Variants in PCDH15 observed in about 807,000 individuals in gnomAD.
The protein encoded by PCDH15 is protocadherin-15.
PCDH15 carries 129 observed loss-of-function variants against 178.5 expected under a neutral mutation model. The observed-to-expected ratio is 0.72, with a 90% CI of 0.63 to 0.84. The LOEUF is 0.84. Among genes scored for constraint, PCDH15 ranks in the 40% least tolerant of loss-of-function variants. PCDH15 has a pLI of 0.00. For synonymous variants in PCDH15, 800 were observed against 732.0 expected, an observed-to-expected ratio of 1.09 and a Z score of -1.50; for missense variants, 2,230 against 2,099.9, an observed-to-expected ratio of 1.06 and a Z score of -1.21.
intron 2 of PCDH15, chr10:54,575,352 A>C (rs960284033): frequency 1.3e-5 from 2 of 153,244 alleles, no homozygotes; most frequent in Non-Finnish European, 2.9e-5. Flanking sequence ...CAGTTCTTTG[A>C]TTTAATAAAC....
intron 32 of PCDH15, chr10:53,821,076 A>G: frequency 3.1e-6 from 3 of 966,580 alleles, no homozygotes; most frequent in Non-Finnish European, 2.5e-6. Context: ...CATCTGTTGG[A>G]ACAATGAAAT....
At chr10:54,594,103 G>A (rs1287686317) in intron 2 of PCDH15, among the ~76,000 whole-genome samples, 1 of 152,084 alleles carries the variant, frequency 6.6e-6, no homozygotes, top group Non-Finnish European at 1.5e-5. Flanking sequence ...GAAGGGGTGA[G>A]TTGAACAGAA....
chr10:54,962,087 G>T (rs143726303), intron 2 of PCDH15, among the ~76,000 whole-genome samples: 1 of 152,362 alleles, frequency 6.6e-6, no homozygotes, highest in Non-Finnish European at 1.5e-5. Flanking sequence ...CTTCCTGGAT[G>T]TGGGACAAGA....
At chr10:54,357,005 T>A (rs1945115945) in intron 5 of PCDH15, among the ~76,000 whole-genome samples, 1 of 152,060 alleles carries the variant, frequency 6.6e-6, no homozygotes, top group Non-Finnish European at 1.5e-5. Flanking sequence ...TTGATGGGAC[T>A]TATCTCAAAA....
At chr10:53,808,718 A>AGTT (rs748232316) in intron 37 of PCDH15, 11 of 1,613,010 alleles carry the variant, frequency 6.8e-6, no homozygotes, top group Admixed American at 1.7e-5. Flanking sequence ...TAACCTTCAG[A>AGTT]GTTTGCTCCT....
intron 1 of PCDH15, among the ~76,000 whole-genome samples, chr10:54,695,265 GT>G (rs2135858420): frequency 6.6e-6 from 1 of 152,234 alleles, no homozygotes; most frequent in East Asian, 1.9e-4. Flanking sequence ...AGTGTTACTG[GT>G]TTGGATAGAA....
At chr10:55,507,912 T>C (rs772532229) in intron 2 of PCDH15, among the ~76,000 whole-genome samples, 11 of 151,608 alleles carry the variant, frequency 7.3e-5, no homozygotes, top group Non-Finnish European at 1.3e-4. Context: ...AAACATGTAA[T>C]CATTGTGCCA....
At chr10:55,303,202 A>G (rs1843332461) in intron 1 of PCDH15, among the ~76,000 whole-genome samples, 1 of 152,114 alleles carries the variant, frequency 6.6e-6, no homozygotes, top group Admixed American at 6.6e-5. Flanking sequence ...CATAGCTAGT[A>G]TTTATGACTA....
At chr10:55,029,371 G>A (rs145165299) in intron 2 of PCDH15, among the ~76,000 whole-genome samples, 2,452 of 151,966 alleles carry the variant, frequency 0.016, 78 homozygotes, top group African/African-American at 0.053. Flanking sequence ...CTATCCACTA[G>A]TAATTTTGCT....
rs767134941 is a variant in PCDH15 at position 54,183,477 on chromosome 10, A to G, written c.1557T>C (p.Tyr519=). ...FPEISYDVYV[Y]TDMRPGDSVI... ...CACTGTCCCCAGGTCTCATGTCTGT[A>G]TAAACATACACATCATAGGATATTT... Residue 519 remains tyrosine, a synonymous_variant, in exon 13 of 38, where the codon TAT becomes TAC. Transcript: ENST00000644397. 2 of 1,613,626 alleles carry G rather than the reference A, an allele frequency of 1.2e-6. No individual in the cohort carries two copies. The highest frequency in any genetic ancestry group is 3.3e-5 in the Admixed American group (2 of 60,024).
chr10:54,449,551 A>G (rs2076339928), intron 3 of PCDH15, among the ~76,000 whole-genome samples: 1 of 151,812 alleles, frequency 6.6e-6, no homozygotes, highest in African/African-American at 2.4e-5. Flanking sequence ...ACCTGACTTT[A>G]TTCACTAATC....
chr10:55,225,494 C>T (rs1841005458), intron 1 of PCDH15, among the ~76,000 whole-genome samples: 1 of 152,002 alleles, frequency 6.6e-6, no homozygotes, highest in Non-Finnish European at 1.5e-5. Flanking sequence ...AAACAAAAAC[C>T]ATGACATTTT....
chr10:54,501,433 C>T (rs527309113), intron 3 of PCDH15, among the ~76,000 whole-genome samples: 2 of 152,168 alleles, frequency 1.3e-5, no homozygotes, highest in African/African-American at 4.8e-5. Context: ...TTTGTTAATT[C>T]ACAACTTGTA....
intron 3 of PCDH15, among the ~76,000 whole-genome samples, chr10:54,464,085 C>T (rs1373541354): frequency 6.6e-6 from 1 of 152,112 alleles, no homozygotes; most frequent in Non-Finnish European, 1.5e-5. Context: ...ACCTTCATAG[C>T]TTCACCTGCA....
chr10:54,020,660 C>CAGAG (rs57852524), intron 19 of PCDH15, among the ~76,000 whole-genome samples: 16 of 148,948 alleles, frequency 1.1e-4, no homozygotes, highest in African/African-American at 3.2e-4. Context: ...GAGGGAGAGT[C>CAGAG]AGAGAGAGAG....
chr10:55,108,260 C>G (rs1837407288), intron 2 of PCDH15, among the ~76,000 whole-genome samples: 1 of 152,146 alleles, frequency 6.6e-6, no homozygotes, highest in Non-Finnish European at 1.5e-5. Context: ...ACTAAGAGAA[C>G]TTCTGAATAA....
chr10:54,692,561 T>C (rs1446903929), intron 1 of PCDH15, among the ~76,000 whole-genome samples: 2 of 152,194 alleles, frequency 1.3e-5, no homozygotes, highest in East Asian at 3.9e-4. Context: ...GGACATCTCA[T>C]GCATAGAAAA....
intron 2 of PCDH15, among the ~76,000 whole-genome samples, chr10:55,078,376 G>A (rs1016913564): frequency 4.6e-5 from 7 of 152,188 alleles, no homozygotes; most frequent in Admixed American, 3.9e-4. Context: ...CTAGACTTGG[G>A]AAGTTTTCAT....
At chr10:54,759,053 C>G (rs1376537934) in intron 1 of PCDH15, among the ~76,000 whole-genome samples, 1 of 150,596 alleles carries the variant, frequency 6.6e-6, no homozygotes, top group Non-Finnish European at 1.5e-5. Context: ...TTATACTTCA[C>G]TTCCTGTCTC....
Sources: allele counts gnomAD v4.1 joint callset (sites outside exome capture counted in the v4.1 genomes callset), GRCh38; gene constraint gnomAD v4.1.1; transcripts MANE v1.5; gene names NCBI Gene and HGNC (gene_info 2026-07-23, HGNC 2026-07-21).